The following SNX8 variants were observed in gnomAD, a reference collection of about 807,000 sequenced individuals.
The protein encoded by SNX8 is sorting nexin 8, also known as sorting nexin-8.
A neutral mutation model predicts 51.6 loss-of-function variants in SNX8; 25 were observed. That is an observed-to-expected ratio of 0.48 (90% CI 0.35 to 0.68). The LOEUF is 0.68. Ranked by LOEUF, SNX8 falls within the 30% of genes least tolerant of loss-of-function variation. The probability of loss-of-function intolerance (pLI) is 0.00; values close to 1 mark genes in which losing one functional copy is unlikely to be tolerated. For synonymous variants in SNX8, 324 were observed against 277.0 expected, an observed-to-expected ratio of 1.17 and a Z score of -1.68; for missense variants, 695 against 624.0, an observed-to-expected ratio of 1.11 and a Z score of -1.21.
Position 2,257,452 on chromosome 7 carries a change from G to A in SNX8, c.1047C>T (p.Tyr349=), listed in dbSNP as rs774267192. The A allele has an allele frequency of 9.9e-6, 16 of 1,609,638 alleles. No homozygotes were observed. The highest frequency in any genetic ancestry group is 1.3e-5 in the Non-Finnish European group (15 of 1,179,022). ...LHKHQRALHK[Y]SLMKRQMMSA... ...TCATCATCTGCCTCTTCATCAGGCT[G>A]TACTTGTGCAGGGCCCGCTGGTGCT... is the stretch of plus-strand genomic sequence containing the variant. The change falls in exon 9 of 11, where the codon TAC becomes TAT. Residue 349 remains tyrosine, a synonymous_variant. Coordinates refer to ENST00000222990, the MANE Select transcript of SNX8 (RefSeq NM_013321.4).
chr7:2,344,988 C>T lies in SNX8; in HGVS notation c.-66+9234G>A, dbSNP rs186068853. Among the ~76,000 whole-genome samples the T allele has an allele frequency of 1.8e-4, 27 of 152,260 alleles. 1 individual carries two copies. In the East Asian group the frequency reaches 1.9e-3, roughly 11 times the overall value. On this transcript the variant is annotated intron_variant, in intron 1 of 5. Transcript: ENST00000435336. ...ACGCACAGCAGATAGGAAGAAACAG[C>T]AATATTCCCACACTGCTGGAGGGAG...
chr7:2,257,403 G>A lies in SNX8; in HGVS notation c.1096C>T (p.Pro366Ser). Residue 366 changes from proline (P) to serine (S), a missense_variant, in exon 9 of 11, where the codon CCG becomes TCG. By Grantham distance (74) the Pro-to-Ser change is moderately conservative (BLOSUM62 -1). Coordinates refer to ENST00000222990, the MANE Select transcript of SNX8 (RefSeq NM_013321.4). ...MMSATAQNRE[P>S]ESVEQLESRI... is the part of the protein sequence containing the mutation. Reference sequence around the variant, plus strand: ...GACTCCAGCTGCTCCACGGACTCCGGCTCGCGGTTCTGCGCGGTGGCGCTC... The same window carrying A: ...GACTCCAGCTGCTCCACGGACTCCGACTCGCGGTTCTGCGCGGTGGCGCTC... The A allele has an allele frequency of 6.2e-7, 1 of 1,610,392 alleles. No individual in the cohort carries two copies. Among genetic ancestry groups the A allele is most frequent in the Non-Finnish European group, 8.5e-7 (1 of 1,179,578 alleles).
At chr7:2,347,370 C>A (rs1452538189) in intron 1 of SNX8, among the ~76,000 whole-genome samples, 1 of 150,066 alleles carries the variant, frequency 6.7e-6, no homozygotes, top group African/African-American at 2.5e-5. Flanking sequence ...AGTCCTCAAT[C>A]CTCAGGAGGC....
intron 1 of SNX8, among the ~76,000 whole-genome samples, chr7:2,284,395 CCTT>C (rs1795974215): frequency 9.4e-6 from 1 of 106,176 alleles, no homozygotes; most frequent in African/African-American, 3.7e-5. Context: ...GCTTTTATTT[CCTT>C]TTTTTTTTTT....
intron 1 of SNX8, among the ~76,000 whole-genome samples, chr7:2,329,896 C>T (rs1206263418): frequency 1.3e-5 from 2 of 150,540 alleles, no homozygotes; most frequent in African/African-American, 2.4e-5. Context: ...GGTGCGATCT[C>T]GGCTCACCGC....
At chr7:2,259,172 G>A (rs902452559) in intron 7 of SNX8, among the ~76,000 whole-genome samples, 6 of 152,166 alleles carry the variant, frequency 3.9e-5, no homozygotes, top group East Asian at 1.9e-4. Flanking sequence ...GGAAGGCAGC[G>A]GAAGCGGCAG....
intron 1 of SNX8, among the ~76,000 whole-genome samples, chr7:2,323,061 G>A (rs1005680232): frequency 2.6e-5 from 4 of 152,020 alleles, no homozygotes; most frequent in African/African-American, 9.7e-5. Context: ...CAGGCATGGT[G>A]GCTTACACCT....
intron 1 of SNX8, among the ~76,000 whole-genome samples, chr7:2,283,288 G>C (rs1795950405): frequency 6.6e-6 from 1 of 152,214 alleles, no homozygotes; most frequent in Non-Finnish European, 1.5e-5. Flanking sequence ...GTCCCAAGCA[G>C]CACAGCTGCA....
intron 1 of SNX8, among the ~76,000 whole-genome samples, chr7:2,321,341 G>C (rs1267131984): frequency 6.6e-6 from 1 of 152,122 alleles, no homozygotes; most frequent in Non-Finnish European, 1.5e-5. Context: ...TTGGGAATGT[G>C]CACCGACACG....
chr7:2,309,878 G>C, intron 1 of SNX8: 1 of 471,094 alleles, frequency 2.1e-6, no homozygotes, highest in South Asian at 1.5e-5. Flanking sequence ...AGGCAAGAGG[G>C]GAAGGCTCGG....
upstream of SNX8, among the ~76,000 whole-genome samples, chr7:2,318,536 G>GA (rs1181969496): frequency 2.0e-4 from 26 of 130,700 alleles, no homozygotes; most frequent in Non-Finnish European, 3.2e-4. Context: ...AAAAAAAAAA[G>GA]AAAAAAAAAA....
chr7:2,306,895 T>A (rs1023815937), intron 1 of SNX8, among the ~76,000 whole-genome samples: 3 of 152,156 alleles, frequency 2.0e-5, no homozygotes, highest in African/African-American at 7.2e-5. Context: ...TTTGGAAGAT[T>A]CCTGGAAAAT....
rs538355920 is a variant in SNX8 at position 2,257,663 on chromosome 7, G to T, written c.984+72C>A. ...TCAGCTCCTCTTCCGTCCCCCAGGA[G>T]TTAGACCCTTGAAGGATCCTAAGAT... On this transcript the variant is annotated intron_variant, in intron 8 of 10. Coordinates refer to ENST00000222990, the MANE Select transcript of SNX8 (RefSeq NM_013321.4). The T allele has an allele frequency of 1.8e-5, 28 of 1,578,844 alleles. 1 individual carries two copies. In the South Asian group the frequency reaches 3.0e-4, roughly 17 times the overall value.
At chr7:2,255,291 C>CTCAA in intron 10 of SNX8, 122 bp from the exon 11 acceptor site, 1 of 636,242 alleles carries the variant, frequency 1.6e-6, no homozygotes, top group South Asian at 1.9e-5. Context: ...GCGCCAGCTC[C>CTCAA]TCAAACCTCT....
intron 1 of SNX8, among the ~76,000 whole-genome samples, chr7:2,321,702 C>T (rs1281846439): frequency 1.4e-5 from 2 of 144,960 alleles, no homozygotes; most frequent in African/African-American, 5.2e-5. Flanking sequence ...CTGTGAGCCA[C>T]CGCGCCCGGC....
intron 1 of SNX8, among the ~76,000 whole-genome samples, chr7:2,296,748 T>C (rs1796281245): frequency 1.3e-5 from 2 of 151,720 alleles, no homozygotes; most frequent in South Asian, 4.2e-4. Context: ...CTAGCCAACA[T>C]GGTTAAACCC....
Position 2,266,655 on chromosome 7 carries a change from GGTTT to G in SNX8, c.622-2201_622-2198del, listed in dbSNP as rs546648719. On this transcript the variant is annotated intron_variant, in intron 5 of 10. Coordinates refer to ENST00000222990, the MANE Select transcript of SNX8 (RefSeq NM_013321.4). ...CCACCACGCCCGGCCGGTTTTTTGG[GGTTT>G]GTTTTGCTTTTTTTTGTTTTCCTTT... 4.3e-4 allele frequency among the ~76,000 whole-genome samples: 65 copies of G among 151,948 alleles called. 1 individual carries two copies. In the South Asian group the frequency reaches 0.013, roughly 30 times the overall value.
intron 1 of SNX8, among the ~76,000 whole-genome samples, chr7:2,289,979 G>T (rs555828165): frequency 1.3e-5 from 2 of 152,224 alleles, no homozygotes; most frequent in East Asian, 3.9e-4. Context: ...GATCACCTGA[G>T]GTCAGGAGTT....
chr7:2,278,314 G>T lies in SNX8; in HGVS notation c.95-9C>A. 6.6e-7 allele frequency: 1 copy of T among 1,504,126 alleles called. No individual in the cohort carries two copies. The allele number at this position is 1,504,126 out of a possible 1,614,324, so 93.2% of individuals were successfully genotyped here. On this transcript the variant is annotated splice_polypyrimidine_tract_variant and intron_variant, in intron 1 of 10. Coordinates refer to ENST00000222990, the MANE Select transcript of SNX8 (RefSeq NM_013321.4). ...CTGGGGTGTCGGCAGATCTGCAGGG[G>T]AGATGGTGAATGACCAGTGAGAATA...
Sources: allele counts gnomAD v4.1 joint callset (sites outside exome capture counted in the v4.1 genomes callset), GRCh38; gene constraint gnomAD v4.1.1; transcripts MANE v1.5; gene names NCBI Gene and HGNC (gene_info 2026-07-23, HGNC 2026-07-21).